Variants in COX11 observed in about 807,000 individuals in gnomAD.
COX11 encodes the protein cytochrome c oxidase assembly protein COX11, mitochondrial.
A neutral mutation model predicts 29.4 loss-of-function variants in COX11; 18 were observed. The ratio of observed to expected loss-of-function variants is 0.61; its 90% CI spans 0.42 to 0.91. The LOEUF (loss-of-function observed/expected upper bound fraction) is 0.91. Ranked by LOEUF, COX11 falls within the 40% of genes least tolerant of loss-of-function variation. The probability of loss-of-function intolerance (pLI) is 0.00; values close to 1 mark genes in which losing one functional copy is unlikely to be tolerated. For missense variants in COX11, 312 were observed against 346.0 expected, an observed-to-expected ratio of 0.90 and a Z score of 0.78; for synonymous variants, 131 against 124.0, an observed-to-expected ratio of 1.06 and a Z score of -0.38.
At chr17:54,967,084 A>C (rs528498337) in intron 1 of COX11, among the ~76,000 whole-genome samples, 1 of 151,532 alleles carries the variant, frequency 6.6e-6, no homozygotes, top group Admixed American at 6.6e-5. Context: ...GGAAAGAGTG[A>C]ACTCCAGCTA....
At chr17:54,956,173 C>G (rs1166006654), downstream of COX11, among the ~76,000 whole-genome samples, 1 of 152,164 alleles carries the variant, frequency 6.6e-6, no homozygotes, top group African/African-American at 2.4e-5. Context: ...TTGACAGGGT[C>G]TCACTGTGTC....
rs1043116026 is a variant in COX11, at chr17:54,960,955, G to A, written c.*1778C>T. 5.3e-5 allele frequency among the ~76,000 whole-genome samples: 8 copies of A among 152,122 alleles called. No homozygotes were observed. Among genetic ancestry groups the A allele is most frequent in the African/African-American group, 9.7e-5 (4 of 41,432 alleles). On this transcript the variant is annotated 3_prime_UTR_variant, in exon 4 of 4. Coordinates refer to ENST00000299335, the MANE Select transcript of COX11 (RefSeq NM_004375.5). ...CATATGCAGTTAATACTTGTTAACCGGTACCAGTAGACCCATTTACCGTTA... is the reference window on the plus strand; with the variant it reads ...CATATGCAGTTAATACTTGTTAACCAGTACCAGTAGACCCATTTACCGTTA...
exon 1 of COX11, chr17:54,953,344 G>T (rs1429357238): frequency 6.6e-6 from 1 of 152,394 alleles, no homozygotes; most frequent in African/African-American, 2.4e-5. Flanking sequence ...ACTCCAGCCT[G>T]GGTAACACAG....
downstream of COX11, among the ~76,000 whole-genome samples, chr17:54,958,631 T>A (rs1388238889): frequency 2.0e-5 from 3 of 148,568 alleles, no homozygotes; most frequent in East Asian, 6.0e-4. Flanking sequence ...TTCGGGAGGA[T>A]GAATAGGAGA....
chr17:54,955,607 C>G (rs2049460008), downstream of COX11, among the ~76,000 whole-genome samples: 1 of 152,170 alleles, frequency 6.6e-6, no homozygotes, highest in Non-Finnish European at 1.5e-5. Context: ...AGTTATACCA[C>G]GTAGGGAACA....
chr17:54,962,976 TA>T (rs2144135433), intron 3 of COX11, 61 bp from the exon 4 acceptor site: 1 of 1,407,658 alleles, frequency 7.1e-7, no homozygotes, highest in South Asian at 1.3e-5. Context: ...ACAGAAACTA[TA>T]CAGTTCTTTT....
intron 2 of COX11, chr17:54,964,448 G>T: frequency 2.3e-6 from 1 of 432,362 alleles, no homozygotes; most frequent in Non-Finnish European, 4.1e-6. Context: ...TCAAAATACT[G>T]ACGGGTTCCA....
chr17:54,967,770 G>C (rs2077277669), intron 1 of COX11, among the ~76,000 whole-genome samples: 1 of 152,058 alleles, frequency 6.6e-6, no homozygotes, highest in Non-Finnish European at 1.5e-5. Flanking sequence ...TATTAACAGG[G>C]GTGGGGCGAG....
chr17:54,963,174 TGAA>T, intron 3 of COX11, 129 bp downstream of exon 3: 1 of 1,020,136 alleles, frequency 9.8e-7, no homozygotes, highest in Non-Finnish European at 1.4e-6. Flanking sequence ...GTATAGATAG[TGAA>T]GAAAAATAGC....
At chr17:54,965,143 T>G (rs539835011) in intron 1 of COX11, among the ~76,000 whole-genome samples, 1 of 152,364 alleles carries the variant, frequency 6.6e-6, no homozygotes, top group Non-Finnish European at 1.5e-5. Context: ...TTATCACTGA[T>G]AGTCGAACTC....
At chr17:54,956,511 T>C (rs1282694892), downstream of COX11, among the ~76,000 whole-genome samples, 1 of 152,164 alleles carries the variant, frequency 6.6e-6, no homozygotes, top group Non-Finnish European at 1.5e-5. Flanking sequence ...TTTTGCCACG[T>C]TGCCCAGGCT....
rs934239279 is a variant in COX11, at chr17:54,961,591, T to C, written c.*1142A>G. On this transcript the variant is annotated 3_prime_UTR_variant, in exon 4 of 4. Coordinates refer to ENST00000299335, the MANE Select transcript of COX11 (RefSeq NM_004375.5). ...GTGATAAGAGTAGATTATTTTACTA[T>C]GAAATAATTCTGAATAGATGAAAGC... The C allele has an allele frequency of 1.5e-5, 19 of 1,230,522 alleles. No homozygotes were observed. Among genetic ancestry groups the C allele is most frequent in the African/African-American group, 7.8e-5 (5 of 64,330 alleles). The allele number at this position is 1,230,522 out of a possible 1,614,324, so 76.2% of individuals were successfully genotyped here.
At chr17:54,963,265 G>A (rs1380718591) in intron 3 of COX11, 41 bp downstream of exon 3, 1 of 1,578,556 alleles carries the variant, frequency 6.3e-7, no homozygotes, top group Non-Finnish European at 8.6e-7. Context: ...ACCGTTTCAT[G>A]TATCTTTATC....
At chr17:54,955,368 C>T (rs747844498), upstream of COX11, among the ~76,000 whole-genome samples, 5 of 152,172 alleles carry the variant, frequency 3.3e-5, no homozygotes, top group Non-Finnish European at 7.3e-5. Flanking sequence ...AGAAAGCACA[C>T]ACACTGTTCA....
intron 1 of COX11, 70 bp downstream of exon 1, chr17:54,968,211 T>G: frequency 6.4e-7 from 1 of 1,553,852 alleles, no homozygotes; most frequent in South Asian, 1.2e-5. Context: ...AGCGAGGGCT[T>G]GTCCCGGGAT....
chr17:54,965,221 A>C (rs1430493933), intron 1 of COX11, among the ~76,000 whole-genome samples: 1 of 152,266 alleles, frequency 6.6e-6, no homozygotes, highest in African/African-American at 2.4e-5. Flanking sequence ...ATTAATAGAA[A>C]TAAAATTTAC....
intron 1 of COX11, among the ~76,000 whole-genome samples, chr17:54,967,485 T>C (rs2077261259): frequency 6.6e-6 from 1 of 152,104 alleles, no homozygotes; most frequent in Non-Finnish European, 1.5e-5. Flanking sequence ...ATCTCTAAAA[T>C]ACGTGAAACT....
At chr17:54,955,687 C>T (rs932015141), downstream of COX11, among the ~76,000 whole-genome samples, 1 of 152,018 alleles carries the variant, frequency 6.6e-6, no homozygotes, top group Non-Finnish European at 1.5e-5. Context: ...CGATGTCTCT[C>T]AGTCTCCCAG....
At position 54,960,627 on chromosome 17, in the gene COX11, G is replaced by C; in HGVS notation, c.*2106C>G. 1 of 1,603,964 alleles carries C rather than the reference G, an allele frequency of 6.2e-7. No homozygotes were observed. The highest frequency in any genetic ancestry group is 8.5e-7 in the Non-Finnish European group (1 of 1,171,548). On this transcript the variant is annotated 3_prime_UTR_variant, in exon 4 of 4. Transcript: ENST00000299335. ...AGGAGCTCAAAATGATGGTGACTGA[G>C]GTAAAGACTTCAACTTATACAACTT...
Sources: gnomAD v4.1 joint callset for allele counts (sites outside exome capture counted in the v4.1 genomes callset) on GRCh38, gnomAD v4.1.1 for gene constraint, MANE v1.5 for transcripts, NCBI Gene and HGNC (gene_info 2026-07-23, HGNC 2026-07-21) for gene names.